Variants in CES5A observed in about 807,000 individuals in gnomAD.
CES5A encodes the protein carboxylesterase 5A.
CES5A carries 67 observed loss-of-function variants against 62.9 expected under a neutral mutation model. That is an observed-to-expected ratio of 1.07 (90% confidence interval 0.88 to 1.31). CES5A has a LOEUF of 1.31. CES5A is among the 50% of genes most tolerant of loss of function. The pLI, the probability that CES5A is intolerant of heterozygous loss-of-function variation, is 0.00. For synonymous variants in CES5A, 296 were observed against 280.8 expected (o/e 1.05, Z -0.54); for missense variants, 748 against 708.5 (o/e 1.06, Z -0.63).
At chr16:55,940,645 G>A (rs1304795175) in intron 2 of CES5A, among the ~76,000 whole-genome samples, 1 of 151,676 alleles carries the variant, frequency 6.6e-6, no homozygotes, top group East Asian at 1.9e-4. Context: ...TCAGAAAATA[G>A]AAGTGAAGGA....
At position 55,852,967 on chromosome 16, in the gene CES5A, A is replaced by G; in HGVS notation, c.1187T>C (p.Leu396Pro). 1.2e-6 allele frequency: 2 copies of G among 1,614,220 alleles called. No homozygotes were observed. The highest frequency in any genetic ancestry group is 1.7e-6 in the Non-Finnish European group (2 of 1,180,024). ...CAGAAGACTGTCTCGGATTTCAGTC[A>G]GGGAGTGCTTGTCATGGAAGTATTC... ...ANEYFHDKHS[L>P]TEIRDSLLDL... The change falls in exon 10 of 13, where the codon CTG becomes CCG. Residue 396 changes from leucine to proline, a missense_variant. Leu to Pro is a moderately conservative substitution (Grantham distance 98). Transcript: ENST00000290567.
chr16:55,870,454 C>T (rs569746473), intron 3 of CES5A, among the ~76,000 whole-genome samples: 4 of 152,128 alleles, frequency 2.6e-5, no homozygotes, highest in Non-Finnish European at 4.4e-5. Context: ...AATCCCAACA[C>T]TTTTGGGAGG....
In CES5A at chr16:55,869,533, G is replaced by A. The variant is rs2033537711; in HGVS notation, c.551+78C>T. 8.7e-6 allele frequency: 13 copies of A among 1,495,868 alleles called. No homozygotes were observed. In the Admixed American group the frequency reaches 2.3e-4, roughly 27 times the overall value. 92.7% of individuals were successfully genotyped at this position (1,495,868 alleles called of 1,614,324 possible). On this transcript the variant is annotated intron_variant, in intron 4 of 12. Coordinates refer to ENST00000290567, the MANE Select transcript of CES5A (RefSeq NM_001143685.2). ...GTCCCGGAAGGCTCGCTCCTTCTTA[G>A]GTTGCTGGGCACTGTCTATGGCTAC...
intron 1 of CES5A, 23 bp downstream of exon 1, chr16:55,875,126 T>G: frequency 6.2e-7 from 1 of 1,610,222 alleles, no homozygotes; most frequent in Non-Finnish European, 8.5e-7. Context: ...CTGAGAGCCC[T>G]CCTTTCCCAT....
rs780292496 is a variant in CES5A at position 55,846,492 on chromosome 16, G to T, written c.1687C>A (p.Leu563Ile). The T allele has an allele frequency of 6.2e-7, 1 of 1,613,950 alleles. No homozygotes were observed. The highest frequency in any genetic ancestry group is 1.1e-5 in the South Asian group (1 of 91,074). ...AAAAAGAAAGGCTGGAGGAGAGAGAGGAAAGTTAAGGAAGAAAGAGGACTG... is the reference window on the plus strand; with the variant it reads ...AAAAAGAAAGGCTGGAGGAGAGAGATGAAAGTTAAGGAAGAAAGAGGACTG... ...LHSPLSSLTF[L>I]SLLQPFFFFC... is the part of the protein sequence containing the mutation. The change falls in exon 13 of 13, where the codon CTC (leucine) becomes ATC (isoleucine). Residue 563 changes from leucine (L) to isoleucine (I), a missense_variant. Transcript: ENST00000290567.
chr16:55,950,303 A>C (rs2034540928), intron 1 of CES5A, among the ~76,000 whole-genome samples: 1 of 152,218 alleles, frequency 6.6e-6, no homozygotes, highest in South Asian at 2.1e-4. Context: ...GACATGAAGA[A>C]CTAAATTTAA....
chr16:55,870,414 G>A (rs1330119491), intron 3 of CES5A, among the ~76,000 whole-genome samples: 5 of 152,040 alleles, frequency 3.3e-5, no homozygotes, highest in Non-Finnish European at 5.9e-5. Context: ...AGAGAAAGAG[G>A]AAGGGTCAGG....
chr16:55,868,702 A>G (rs1460959993), intron 4 of CES5A, among the ~76,000 whole-genome samples: 1 of 152,206 alleles, frequency 6.6e-6, no homozygotes, highest in African/African-American at 2.4e-5. Flanking sequence ...GTGACCCGCA[A>G]GCATAATCCT....
Position 55,846,787 on chromosome 16 carries a change from C to A in CES5A, c.1477G>T (p.Ala493Ser). The A allele has an allele frequency of 6.2e-7, 1 of 1,614,132 alleles. No individual in the cohort carries two copies. Among genetic ancestry groups the A allele is most frequent in the African/African-American group, 1.3e-5 (1 of 75,028 alleles). The change falls in exon 12 of 13, where the codon GCT (alanine) becomes TCT (serine). Residue 493 changes from alanine to serine, a missense_variant. By Grantham distance (99) the Ala-to-Ser change is moderately conservative. Transcript: ENST00000290567. ...ACTTACCCGGTTCGAGCAAAGGTAG[C>A]CCAGTATTTCATCATCTTCCGGCTC... is the stretch of plus-strand genomic sequence containing the variant. Reference protein sequence around the residue: ...LLSRKMMKYWATFARTGNPNG... With the variant: ...LLSRKMMKYWSTFARTGNPNG...
intron 2 of CES5A, among the ~76,000 whole-genome samples, chr16:55,941,053 T>TG (rs2034440443): frequency 6.6e-6 from 1 of 152,024 alleles, no homozygotes; most frequent in South Asian, 2.1e-4. Context: ...TTCTACTTAA[T>TG]GGCAAATTAT....
intron 2 of CES5A, among the ~76,000 whole-genome samples, chr16:55,948,715 C>T (rs2034523129): frequency 6.6e-6 from 1 of 152,102 alleles, no homozygotes; most frequent in African/African-American, 2.4e-5. Flanking sequence ...TTGCTGTAAT[C>T]CAAGCTAGGG....
intron 1 of CES5A, among the ~76,000 whole-genome samples, chr16:55,909,732 G>C (rs1398954259): frequency 6.6e-6 from 1 of 152,206 alleles, no homozygotes; most frequent in South Asian, 2.1e-4. Context: ...GCCCCACCTA[G>C]CTCTATGTCC....
At chr16:55,935,135 G>A (rs1330776045) in intron 2 of CES5A, among the ~76,000 whole-genome samples, 1 of 152,138 alleles carries the variant, frequency 6.6e-6, no homozygotes, top group Non-Finnish European at 1.5e-5. Flanking sequence ...TAGAGATGGA[G>A]TTTCACAGTG....
chr16:55,872,665 G>A (rs1468380361), intron 2 of CES5A, among the ~76,000 whole-genome samples: 1 of 152,166 alleles, frequency 6.6e-6, no homozygotes, highest in East Asian at 1.9e-4. Context: ...CTCCTGACAG[G>A]TGTTTATGCC....
intron 9 of CES5A, among the ~76,000 whole-genome samples, chr16:55,855,020 C>T (rs2033211713): frequency 1.3e-5 from 2 of 152,220 alleles, no homozygotes; most frequent in Admixed American, 6.5e-5. Flanking sequence ...TTCCCAGTTT[C>T]TCCACCCACC....
chr16:55,857,223 C>G (rs1357076243), intron 8 of CES5A, among the ~76,000 whole-genome samples: 1 of 152,182 alleles, frequency 6.6e-6, no homozygotes, highest in Non-Finnish European at 1.5e-5. Context: ...GCCTCAGGCT[C>G]CTCATCTGTA....
rs12447097 is a variant in CES5A, at chr16:55,849,813, C to A, written c.1274-40G>T. On this transcript the variant is annotated intron_variant, in intron 10 of 12. Coordinates refer to ENST00000290567, the MANE Select transcript of CES5A (RefSeq NM_001143685.2). ...GGGAAGGTCAGGCATGCATGCAGCG[C>A]GGAGCAGGGGGCTGGCTCTGTGTCC... 31 of 1,603,074 alleles carry A rather than the reference C, an allele frequency of 1.9e-5. No homozygotes were observed. In the South Asian group the frequency reaches 3.4e-4, roughly 18 times the overall value.
chr16:55,862,368 A>C (rs1339386926), intron 6 of CES5A, among the ~76,000 whole-genome samples: 5 of 152,158 alleles, frequency 3.3e-5, no homozygotes, highest in Admixed American at 6.5e-5. Flanking sequence ...CCGCTTCCCA[A>C]ACCTATCCAT....
At chr16:55,913,506 G>C (rs1161931472) in intron 1 of CES5A, among the ~76,000 whole-genome samples, 3 of 152,216 alleles carry the variant, frequency 2.0e-5, no homozygotes, top group African/African-American at 4.8e-5. Flanking sequence ...CCCCAGGAAA[G>C]AAGAGGGTCT....
Sources: allele counts gnomAD v4.1 joint callset (sites outside exome capture counted in the v4.1 genomes callset), GRCh38; gene constraint gnomAD v4.1.1; transcripts MANE v1.5; gene names NCBI Gene and HGNC (gene_info 2026-07-23, HGNC 2026-07-21).